SEMA6D: variants seen among roughly 807,000 people sequenced by gnomAD.
SEMA6D encodes semaphorin-6D.
Under a neutral mutation model 106.6 loss-of-function variants are expected in SEMA6D, and 35 were observed. That is an observed-to-expected ratio of 0.33 (90% CI 0.25 to 0.44). The LOEUF is 0.44. SEMA6D is among the 20% of genes least tolerant of loss of function. SEMA6D has a pLI of 1.00. For synonymous variants in SEMA6D, 499 were observed against 487.7 expected, an observed-to-expected ratio of 1.02 and a Z score of -0.31; for missense variants, 1,185 against 1,345.9, an observed-to-expected ratio of 0.88 and a Z score of 1.87.
Position 47,686,569 on chromosome 15 carries a change from C to G in SEMA6D, c.-54-73176C>G, listed in dbSNP as rs546897109. ...ACAAAAGATAGCACACAAATTTACT[C>G]TTACCAAACTTGGTGAGACCCTCAG... On this transcript the variant is annotated intron_variant, in intron 4 of 19. Transcript: ENST00000558014. 2.0e-5 allele frequency among the ~76,000 whole-genome samples: 3 copies of G among 152,338 alleles called. No individual in the cohort carries two copies. The South Asian group carries it at 6.2e-4, about 32-fold the overall frequency.
intron 1 of SEMA6D, among the ~76,000 whole-genome samples, chr15:47,245,163 C>T (rs907525545): frequency 6.6e-6 from 1 of 151,884 alleles, no homozygotes. Context: ...AATGAATATA[C>T]AAGTGCATGT....
At chr15:47,484,696 T>C (rs11070588) in intron 3 of SEMA6D, among the ~76,000 whole-genome samples, 60,238 of 151,918 alleles carry the variant, frequency 0.4, 13,115 homozygotes, top group African/African-American at 0.58. Context: ...ATTTAAGGCC[T>C]GAAGTAACCT....
intron 1 of SEMA6D, among the ~76,000 whole-genome samples, chr15:47,377,898 A>G (rs2039504003): frequency 3.3e-5 from 5 of 152,090 alleles, no homozygotes; most frequent in Non-Finnish European, 5.9e-5. Context: ...TGGGATACCT[A>G]TTTGTTTTCT....
At chr15:47,539,821 C>T (rs972469574) in intron 3 of SEMA6D, among the ~76,000 whole-genome samples, 4 of 152,094 alleles carry the variant, frequency 2.6e-5, no homozygotes, top group East Asian at 3.9e-4. Flanking sequence ...AATACAAGTT[C>T]GATCCAGGAG....
intron 1 of SEMA6D, among the ~76,000 whole-genome samples, chr15:47,748,948 G>A (rs2147264434): frequency 6.6e-6 from 1 of 151,138 alleles, no homozygotes; most frequent in East Asian, 1.9e-4. Context: ...GGGATGTACT[G>A]ACAGGTTCAA....
intron 3 of SEMA6D, among the ~76,000 whole-genome samples, chr15:47,502,288 A>T (rs747001342): frequency 3.3e-5 from 5 of 152,206 alleles, no homozygotes; most frequent in African/African-American, 4.8e-5. Context: ...CAAGGGTTTG[A>T]TTAAATGCCT....
At chr15:47,743,686 A>G (rs978486466) in intron 1 of SEMA6D, among the ~76,000 whole-genome samples, 1 of 152,172 alleles carries the variant, frequency 6.6e-6, no homozygotes, top group Non-Finnish European at 1.5e-5. Context: ...AGGGACAAGA[A>G]GAGCATTCCA....
At chr15:47,727,207 A>G (rs1221538196) in intron 1 of SEMA6D, among the ~76,000 whole-genome samples, 2 of 152,212 alleles carry the variant, frequency 1.3e-5, no homozygotes, top group Non-Finnish European at 2.9e-5. Context: ...CTCTGTCGTC[A>G]CGCACATCTT....
At chr15:47,632,465 C>T (rs1228634499) in intron 4 of SEMA6D, among the ~76,000 whole-genome samples, 2 of 148,738 alleles carry the variant, frequency 1.3e-5, no homozygotes, top group African/African-American at 4.8e-5. Context: ...GTGGTTGGCT[C>T]ATGTGGTGTT....
chr15:47,357,292 C>T lies in SEMA6D; in HGVS notation c.-238-55101C>T, dbSNP rs145478549. On this transcript the variant is annotated intron_variant, in intron 1 of 19. Coordinates refer to the SEMA6D transcript ENST00000558014. ...GAGCCTGCAGTGAGCCAAGATCGGG[C>T]CACTGCATTCCATCCTGGGCGACAG... is the stretch of plus-strand genomic sequence containing the variant. Among the ~76,000 whole-genome samples, 809 of 151,822 alleles carry T rather than the reference C, an allele frequency of 5.3e-3. 9 individuals are homozygous for T. The highest frequency in any genetic ancestry group is 0.019 in the African/African-American group (776 of 41,372).
At chr15:47,521,581 T>G (rs925349419) in intron 3 of SEMA6D, among the ~76,000 whole-genome samples, 1 of 152,196 alleles carries the variant, frequency 6.6e-6, no homozygotes, top group African/African-American at 2.4e-5. Context: ...GGAATTTCCT[T>G]CTTTTTGACT....
intron 4 of SEMA6D, among the ~76,000 whole-genome samples, chr15:47,676,536 A>G (rs1452500244): frequency 6.6e-6 from 1 of 152,216 alleles, no homozygotes; most frequent in African/African-American, 2.4e-5. Context: ...TAAGCAAAAG[A>G]TGGGAAGTTA....
At chr15:47,485,516 G>T (rs2043272396) in intron 3 of SEMA6D, among the ~76,000 whole-genome samples, 2 of 152,118 alleles carry the variant, frequency 1.3e-5, no homozygotes, top group African/African-American at 4.8e-5. Flanking sequence ...AATCGCAAAT[G>T]AATATATACC....
At chr15:47,684,046 A>G (rs1394682727) in intron 4 of SEMA6D, among the ~76,000 whole-genome samples, 1 of 152,206 alleles carries the variant, frequency 6.6e-6, no homozygotes, top group Non-Finnish European at 1.5e-5. Flanking sequence ...TGGCAGACTC[A>G]AAGGTCTTCA....
At chr15:47,564,089 C>T (rs1033666856) in intron 3 of SEMA6D, among the ~76,000 whole-genome samples, 5 of 152,340 alleles carry the variant, frequency 3.3e-5, no homozygotes, top group South Asian at 2.1e-4. Context: ...TCCAAACAAT[C>T]ATCATGCTCA....
At chr15:47,268,082 C>T (rs2034402542) in intron 1 of SEMA6D, among the ~76,000 whole-genome samples, 1 of 152,094 alleles carries the variant, frequency 6.6e-6, no homozygotes, top group South Asian at 2.1e-4. Flanking sequence ...CCTACTGAAA[C>T]AGAAACGGCA....
At chr15:47,218,554 C>T (rs1199372943) in intron 1 of SEMA6D, among the ~76,000 whole-genome samples, 1 of 152,198 alleles carries the variant, frequency 6.6e-6, no homozygotes, top group East Asian at 1.9e-4. Flanking sequence ...TGCATTATTT[C>T]TCCATTTTGC....
At chr15:47,740,476 C>G (rs545147140) in intron 1 of SEMA6D, among the ~76,000 whole-genome samples, 3 of 151,982 alleles carry the variant, frequency 2.0e-5, no homozygotes, top group African/African-American at 7.3e-5. Flanking sequence ...GCCAAGATTG[C>G]GCCACTGCAC....
intron 1 of SEMA6D, among the ~76,000 whole-genome samples, chr15:47,254,145 A>G (rs1010363622): frequency 1.3e-5 from 2 of 149,972 alleles, no homozygotes; most frequent in African/African-American, 4.9e-5. Context: ...AGGCTATTTC[A>G]TTATTGGTGT....
Sources: gnomAD v4.1 joint callset for allele counts (sites outside exome capture counted in the v4.1 genomes callset) on GRCh38, gnomAD v4.1.1 for gene constraint, MANE v1.5 for transcripts, NCBI Gene and HGNC (gene_info 2026-07-23, HGNC 2026-07-21) for gene names.